The following MED27 variants were observed in gnomAD, a reference collection of about 807,000 sequenced individuals.
The protein encoded by MED27 is mediator complex subunit 27.
In MED27, 30 loss-of-function variants were observed where a neutral mutation model predicts 38.2. The observed-to-expected ratio is 0.79, with a 90% CI of 0.59 to 1.07. MED27 has a LOEUF of 1.07. Ranked by LOEUF, MED27 falls within the 50% of genes least tolerant of loss-of-function variation. The pLI is 0.00. For missense variants in MED27, 289 were observed against 397.5 expected, an observed-to-expected ratio of 0.73 and a Z score of 2.32; for synonymous variants, 122 against 153.5, an observed-to-expected ratio of 0.79 and a Z score of 1.52.
chr9:131,921,881 G>C (rs968452024), intron 4 of MED27, among the ~76,000 whole-genome samples: 2 of 152,158 alleles, frequency 1.3e-5, no homozygotes, highest in African/African-American at 4.8e-5. Flanking sequence ...TAGGGACATG[G>C]ATGAAGCTGG....
intron 6 of MED27, among the ~76,000 whole-genome samples, chr9:131,873,228 A>C (rs926929535): frequency 1.3e-5 from 2 of 152,230 alleles, no homozygotes; most frequent in Non-Finnish European, 2.9e-5. Flanking sequence ...AAATGTTTAA[A>C]GAGACAGCAA....
At position 132,061,321 on chromosome 9, in the gene MED27, C is replaced by T. The variant is rs115556758; in HGVS notation, c.348+16121G>A. 4.1e-3 allele frequency among the ~76,000 whole-genome samples: 625 copies of T among 152,302 alleles called. 2 individuals carry two copies. The highest frequency in any genetic ancestry group is 0.014 in the African/African-American group (589 of 41,564). On this transcript the variant is annotated intron_variant, in intron 2 of 7. Coordinates refer to ENST00000292035, the MANE Select transcript of MED27 (RefSeq NM_004269.4). Reference sequence around the variant, plus strand: ...TGGCTATGGGAGGGTATGTCTCAGTCTCAGCCAGCATGGTTAGAACTGGAG... The same window carrying T: ...TGGCTATGGGAGGGTATGTCTCAGTTTCAGCCAGCATGGTTAGAACTGGAG...
In MED27 at chr9:132,066,181, T is replaced by C. The variant is rs149204983; in HGVS notation, c.348+11261A>G. On this transcript the variant is annotated intron_variant, in intron 2 of 7. Coordinates refer to ENST00000292035, the MANE Select transcript of MED27 (RefSeq NM_004269.4). ...GCAGCCGCAGTGTGGTCAGCGTGAC[T>C]GCCCAGAGGCTGTGGGGCAAAGCCG... is the stretch of plus-strand genomic sequence containing the variant. 7.2e-5 allele frequency among the ~76,000 whole-genome samples: 11 copies of C among 152,358 alleles called. 1 individual carries two copies. The East Asian group carries it at 2.1e-3, about 29-fold the overall frequency.
chr9:131,877,850 C>T (rs1427067544), intron 6 of MED27, among the ~76,000 whole-genome samples: 1 of 152,204 alleles, frequency 6.6e-6, no homozygotes, highest in East Asian at 1.9e-4. Flanking sequence ...TATCAGGTGT[C>T]CACCCACTTT....
At chr9:132,022,252 T>C (rs531123539) in intron 2 of MED27, among the ~76,000 whole-genome samples, 1 of 152,150 alleles carries the variant, frequency 6.6e-6, no homozygotes, top group Admixed American at 6.5e-5. Flanking sequence ...CCAGCTAAGG[T>C]TGAACCACCC....
rs377059136 is a variant in MED27 at position 132,046,606 on chromosome 9, G to A, written c.348+30836C>T. ...TGAAATCATCTGTTGGGTTTTTCCC[G>A]TCTCTCCATTCTCTCACGTCCCAGC... is the stretch of plus-strand genomic sequence containing the variant. On this transcript the variant is annotated intron_variant, in intron 2 of 7. Coordinates refer to ENST00000292035, the MANE Select transcript of MED27 (RefSeq NM_004269.4). Among the ~76,000 whole-genome samples, 56 of 152,190 alleles carry A rather than the reference G, an allele frequency of 3.7e-4. No individual in the cohort carries two copies. In the South Asian group the frequency reaches 0.01, roughly 28 times the overall value.
chr9:131,870,002 T>C (rs565146090), intron 6 of MED27, among the ~76,000 whole-genome samples: 43 of 152,254 alleles, frequency 2.8e-4, no homozygotes, highest in Non-Finnish European at 1.3e-4. Flanking sequence ...TCAAGAGACC[T>C]TGAAACAGCT....
Position 131,909,638 on chromosome 9 carries a change from T to C in MED27, c.574-15646A>G, listed in dbSNP as rs114601291. 2.6e-3 allele frequency among the ~76,000 whole-genome samples: 395 copies of C among 152,362 alleles called. 1 individual carries two copies. Among genetic ancestry groups the C allele is most frequent in the African/African-American group, 9.1e-3 (380 of 41,574 alleles). On this transcript the variant is annotated intron_variant, in intron 4 of 7. Transcript: ENST00000292035. ...TTGACCTTGATGTAGACAATTTTAA[T>C]ACAAATCAATATGTGGACAAGGTCA... is the stretch of plus-strand genomic sequence containing the variant.
chr9:132,028,327 T>C (rs1042923073), intron 2 of MED27, among the ~76,000 whole-genome samples: 1 of 152,188 alleles, frequency 6.6e-6, no homozygotes, highest in African/African-American at 2.4e-5. Context: ...GGCTAGGTAT[T>C]ACATACAGAG....
chr9:131,876,732 C>T (rs1838940655), intron 6 of MED27, among the ~76,000 whole-genome samples: 1 of 152,176 alleles, frequency 6.6e-6, no homozygotes, highest in Non-Finnish European at 1.5e-5. Flanking sequence ...TGCCGCCGCT[C>T]CTTCCCTGAA....
At position 132,070,025 on chromosome 9, in the gene MED27, C is replaced by A. The variant is rs147936317; in HGVS notation, c.348+7417G>T. ...CCTCAGATGTGCTCAATGCCTTAGT[C>A]CCCACGACAGCCCCGGAAGGTGGAA... On this transcript the variant is annotated intron_variant, in intron 2 of 7. Coordinates refer to ENST00000292035, the MANE Select transcript of MED27 (RefSeq NM_004269.4). Among the ~76,000 whole-genome samples the A allele has an allele frequency of 3.3e-3, 497 of 152,318 alleles. 3 individuals are homozygous for A. Among genetic ancestry groups the A allele is most frequent in the African/African-American group, 0.011 (467 of 41,568 alleles).
Position 132,077,487 on chromosome 9 carries a change from AGTTTT to A in MED27, c.298_302del (p.Lys100SerfsTer4). The A allele has an allele frequency of 2.5e-6, 4 of 1,614,118 alleles. No homozygotes were observed. Among genetic ancestry groups the A allele is most frequent in the Non-Finnish European group, 3.4e-6 (4 of 1,180,006 alleles). On this transcript the variant is annotated frameshift_variant, in exon 2 of 8. Transcript: ENST00000292035. LOFTEE classifies it high-confidence loss of function. ...CTTGAAGGAGTTGACTATAGAGAGGAGTTTTGTCCTGCACAGGATCCAGGCTTAAC... is the reference window on the plus strand; with the variant it reads ...CTTGAAGGAGTTGACTATAGAGAGGAGTCCTGCACAGGATCCAGGCTTAAC...
chr9:132,065,114 G>T (rs917643749), intron 2 of MED27, among the ~76,000 whole-genome samples: 2 of 152,190 alleles, frequency 1.3e-5, no homozygotes, highest in African/African-American at 4.8e-5. Flanking sequence ...GTTTGGAAAT[G>T]ATTAAGAATT....
chr9:131,990,757 G>A (rs1831955035), intron 3 of MED27, among the ~76,000 whole-genome samples: 1 of 152,184 alleles, frequency 6.6e-6, no homozygotes, highest in South Asian at 2.1e-4. Context: ...TCCCATTAGT[G>A]CAGCAGCTGT....
intron 2 of MED27, among the ~76,000 whole-genome samples, chr9:132,075,851 A>T (rs1288368601): frequency 1.3e-5 from 2 of 152,190 alleles, no homozygotes; most frequent in African/African-American, 4.8e-5. Context: ...AAACTGCAAC[A>T]GACATCTGTG....
At chr9:132,017,827 C>G (rs991866708) in intron 2 of MED27, among the ~76,000 whole-genome samples, 1 of 152,206 alleles carries the variant, frequency 6.6e-6, no homozygotes, top group Non-Finnish European at 1.5e-5. Flanking sequence ...ATTATATCTA[C>G]TAATTACCTC....
At chr9:131,929,893 A>G (rs541015091) in intron 4 of MED27, among the ~76,000 whole-genome samples, 1 of 152,308 alleles carries the variant, frequency 6.6e-6, no homozygotes, top group Non-Finnish European at 1.5e-5. Flanking sequence ...CCTTGAATGA[A>G]CATAGGCGTA....
chr9:131,908,634 A>T (rs1313673488), intron 4 of MED27, among the ~76,000 whole-genome samples: 2 of 152,168 alleles, frequency 1.3e-5, no homozygotes, highest in Non-Finnish European at 2.9e-5. Context: ...AAATGGATTA[A>T]GGGTGGTGCA....
intron 2 of MED27, among the ~76,000 whole-genome samples, chr9:132,028,855 T>TCA (rs1335410882): frequency 1.3e-5 from 2 of 152,090 alleles, no homozygotes; most frequent in Non-Finnish European, 2.9e-5. Flanking sequence ...ACCCAGGAAT[T>TCA]CACACTGTAA....
Sources: gnomAD v4.1 joint callset for allele counts (sites outside exome capture counted in the v4.1 genomes callset) on GRCh38, gnomAD v4.1.1 for gene constraint, MANE v1.5 for transcripts, NCBI Gene and HGNC (gene_info 2026-07-23, HGNC 2026-07-21) for gene names.